KHDRBS2: variants seen among roughly 807,000 people sequenced by gnomAD.
KHDRBS2 encodes the protein KH RNA binding domain containing, signal transduction associated 2, also known as KH domain-containing, RNA-binding, signal transduction-associated protein 2.
A neutral mutation model predicts 44.3 loss-of-function variants in KHDRBS2; 26 were observed. That is an observed-to-expected ratio of 0.59 (90% CI 0.43 to 0.81). The LOEUF (loss-of-function observed/expected upper bound fraction) is 0.81, where lower values mean the gene tolerates loss of function less well. Among genes scored for constraint, KHDRBS2 ranks in the 40% least tolerant of loss-of-function variants. KHDRBS2 has a pLI of 0.00. For synonymous variants in KHDRBS2, 194 were observed against 151.1 expected, an observed-to-expected ratio of 1.28 and a Z score of -2.08; for missense variants, 476 against 433.1, an observed-to-expected ratio of 1.10 and a Z score of -0.88.
chr6:62,095,457 C>T (rs569045264), intron 2 of KHDRBS2, among the ~76,000 whole-genome samples: 182 of 151,868 alleles, frequency 1.2e-3, no homozygotes, highest in African/African-American at 4.1e-3. Context: ...TTACAACTGT[C>T]TACAGTATTA....
At chr6:61,659,771 GA>G in the KHDRBS2 span, among the ~76,000 whole-genome samples, 1 of 151,642 alleles carries the variant, frequency 6.6e-6, no homozygotes, top group Non-Finnish European at 1.5e-5. Context: ...CAGCAAAGAA[GA>G]AGATAGCATA....
chr6:61,754,410 T>C (rs1385434707), intron 6 of KHDRBS2, among the ~76,000 whole-genome samples: 1 of 152,136 alleles, frequency 6.6e-6, no homozygotes, highest in Non-Finnish European at 1.5e-5. Flanking sequence ...CAAGTGAGCC[T>C]ACTATTACAT....
rs149878659 is a variant in KHDRBS2 at position 62,266,363 on chromosome 6, C to T, written c.91+19495G>A. ...TGCTTCTTTGCCCCTACATGACAAG[C>T]ATGACATATCAGCGAATTATTGCCT... is the stretch of plus-strand genomic sequence containing the variant. On this transcript the variant is annotated intron_variant, in intron 1 of 8. Coordinates refer to ENST00000281156, the MANE Select transcript of KHDRBS2 (RefSeq NM_152688.4). Among the ~76,000 whole-genome samples, 668 of 152,084 alleles carry T rather than the reference C, an allele frequency of 4.4e-3. 3 individuals carry two copies. Among genetic ancestry groups the T allele is most frequent in the Non-Finnish European group, 7.5e-3 (507 of 67,930 alleles).
intron 6 of KHDRBS2, among the ~76,000 whole-genome samples, chr6:61,745,944 C>T (rs760918389): frequency 2.6e-5 from 4 of 152,072 alleles, no homozygotes; most frequent in Non-Finnish European, 4.4e-5. Context: ...ATAAAGAGTG[C>T]GTGTCTTACA....
At chr6:61,544,544 G>A in the KHDRBS2 span, among the ~76,000 whole-genome samples, 1 of 152,042 alleles carries the variant, frequency 6.6e-6, no homozygotes, top group African/African-American at 2.4e-5. Flanking sequence ...TCCCAACTAG[G>A]TTTAACTGGG....
chr6:61,791,021 T>A (rs927507142), intron 6 of KHDRBS2, among the ~76,000 whole-genome samples: 58 of 151,528 alleles, frequency 3.8e-4, no homozygotes, highest in African/African-American at 1.3e-3. Flanking sequence ...AATTTGTTCA[T>A]TTAATCTAAA....
At chr6:61,953,920 A>G (rs1765318224) in intron 4 of KHDRBS2, among the ~76,000 whole-genome samples, 1 of 152,186 alleles carries the variant, frequency 6.6e-6, no homozygotes, top group Non-Finnish European at 1.5e-5. Context: ...AGAAAGCTGT[A>G]AGTAACTTAA....
intron 2 of KHDRBS2, among the ~76,000 whole-genome samples, chr6:62,104,897 G>A (rs150124023): frequency 1.3e-5 from 2 of 152,146 alleles, no homozygotes; most frequent in South Asian, 4.1e-4. Flanking sequence ...CCTTCTGTGA[G>A]ACTTGTAATG....
intron 4 of KHDRBS2, among the ~76,000 whole-genome samples, chr6:61,920,325 C>T (rs1283526346): frequency 6.6e-6 from 1 of 151,748 alleles, no homozygotes; most frequent in African/African-American, 2.4e-5. Context: ...TAGTAATAAG[C>T]AATATAATAT....
At chr6:62,111,928 G>T (rs1442197485) in intron 2 of KHDRBS2, among the ~76,000 whole-genome samples, 2 of 152,058 alleles carry the variant, frequency 1.3e-5, no homozygotes, top group Admixed American at 1.3e-4. Flanking sequence ...CCCCAATCAT[G>T]AAGTTTCTGA....
intron 4 of KHDRBS2, among the ~76,000 whole-genome samples, chr6:61,952,160 T>C (rs1344811255): frequency 6.6e-6 from 1 of 152,116 alleles, no homozygotes; most frequent in Non-Finnish European, 1.5e-5. Flanking sequence ...CAGAACACTT[T>C]GTTCCATTTT....
intron 2 of KHDRBS2, among the ~76,000 whole-genome samples, chr6:62,175,926 G>A (rs746272366): frequency 3.3e-4 from 50 of 151,250 alleles, no homozygotes; most frequent in Non-Finnish European, 1.9e-4. Flanking sequence ...TTTAGAGGCA[G>A]GTATTAAGTC....
the KHDRBS2 span, among the ~76,000 whole-genome samples, chr6:61,564,748 T>A: frequency 6.6e-6 from 1 of 152,218 alleles, no homozygotes. Flanking sequence ...TGGCTCTCAG[T>A]TGGCCCTGAC....
intron 1 of KHDRBS2, among the ~76,000 whole-genome samples, chr6:62,230,884 T>A (rs1163275599): frequency 6.6e-6 from 1 of 152,154 alleles, no homozygotes; most frequent in African/African-American, 2.4e-5. Flanking sequence ...CAGAATTGGT[T>A]AAGAATTGTA....
chr6:62,008,614 T>C (rs575575792), intron 3 of KHDRBS2, among the ~76,000 whole-genome samples: 1 of 152,170 alleles, frequency 6.6e-6, no homozygotes, highest in Non-Finnish European at 1.5e-5. Flanking sequence ...TGTGTCCCCA[T>C]GCACATCTCA....
intron 3 of KHDRBS2, among the ~76,000 whole-genome samples, chr6:61,984,936 C>T (rs1260603675): frequency 6.6e-6 from 1 of 152,186 alleles, no homozygotes; most frequent in East Asian, 1.9e-4. Context: ...AGCACAAACA[C>T]AGGCTATGTA....
chr6:61,763,770 T>C (rs1779607184), intron 6 of KHDRBS2, among the ~76,000 whole-genome samples: 1 of 152,192 alleles, frequency 6.6e-6, no homozygotes, highest in South Asian at 2.1e-4. Context: ...TGACCAATTG[T>C]GAATTTCTCT....
At chr6:62,198,313 G>A (rs886130756) in intron 1 of KHDRBS2, among the ~76,000 whole-genome samples, 3 of 151,772 alleles carry the variant, frequency 2.0e-5, no homozygotes, top group African/African-American at 4.8e-5. Flanking sequence ...TTTTTGAAAC[G>A]ATCAACAAAA....
intron 6 of KHDRBS2, among the ~76,000 whole-genome samples, chr6:61,878,360 T>C (rs1293288152): frequency 2.6e-5 from 4 of 152,086 alleles, no homozygotes; most frequent in African/African-American, 4.8e-5. Flanking sequence ...TTTTCAAGCT[T>C]TTTCTCCCAA....
Sources: allele counts gnomAD v4.1 joint callset (sites outside exome capture counted in the v4.1 genomes callset), GRCh38; gene constraint gnomAD v4.1.1; transcripts MANE v1.5; gene names NCBI Gene and HGNC (gene_info 2026-07-23, HGNC 2026-07-21).